Variants in RBFOX1 observed in about 807,000 individuals in gnomAD.
RBFOX1 encodes the protein RNA binding protein fox-1 homolog 1.
In RBFOX1, 8 loss-of-function variants were observed where a neutral mutation model predicts 57.7. The observed-to-expected ratio is 0.14, with a 90% CI of 0.08 to 0.25. The LOEUF is 0.25. Ranked by LOEUF, RBFOX1 falls within the 10% of genes least tolerant of loss-of-function variation. RBFOX1 has a pLI of 1.00. For synonymous variants in RBFOX1, 326 were observed against 222.4 expected (o/e 1.47, Z -4.15); for missense variants, 611 against 548.5 (o/e 1.11, Z -1.14).
At chr16:5,661,273 C>T (rs1220077760) in intron 3 of RBFOX1, among the ~76,000 whole-genome samples, 1 of 152,192 alleles carries the variant, frequency 6.6e-6, no homozygotes, top group Non-Finnish European at 1.5e-5. Flanking sequence ...ACGCTATATA[C>T]TTACCATCCA....
At chr16:6,020,550 C>T (rs879248316) in intron 1 of RBFOX1, among the ~76,000 whole-genome samples, 2 of 152,176 alleles carry the variant, frequency 1.3e-5, no homozygotes, top group African/African-American at 4.8e-5. Flanking sequence ...CGCGGTGCCA[C>T]CTCGACCCCA....
intron 3 of RBFOX1, among the ~76,000 whole-genome samples, chr16:6,830,397 C>T (rs902127259): frequency 9.2e-5 from 14 of 151,804 alleles, no homozygotes; most frequent in South Asian, 2.1e-4. Flanking sequence ...ATTTTACTAA[C>T]GGGAAGTAAT....
intron 1 of RBFOX1, among the ~76,000 whole-genome samples, chr16:6,118,305 T>C (rs1238073359): frequency 1.3e-5 from 2 of 152,188 alleles, no homozygotes; most frequent in African/African-American, 4.8e-5. Context: ...CCACTCAGGC[T>C]CCTATTATGC....
intron 3 of RBFOX1, among the ~76,000 whole-genome samples, chr16:6,678,102 T>A (rs2154118528): frequency 6.6e-6 from 1 of 152,354 alleles, no homozygotes; most frequent in African/African-American, 2.4e-5. Flanking sequence ...CATCATCTAC[T>A]TAAATTAAAA....
chr16:7,274,767 C>G (rs144588956), intron 4 of RBFOX1, among the ~76,000 whole-genome samples: 1 of 152,198 alleles, frequency 6.6e-6, no homozygotes, highest in East Asian at 1.9e-4. Context: ...TCACATCAAT[C>G]TCTGCCTTCC....
At chr16:6,109,679 C>G (rs1460020700) in intron 1 of RBFOX1, among the ~76,000 whole-genome samples, 1 of 151,972 alleles carries the variant, frequency 6.6e-6, no homozygotes, top group East Asian at 1.9e-4. Flanking sequence ...TAAATGAGGG[C>G]TTACCAATTA....
At chr16:5,328,387 C>G (rs1027577612) in intron 1 of RBFOX1, among the ~76,000 whole-genome samples, 21 of 152,226 alleles carry the variant, frequency 1.4e-4, no homozygotes, top group African/African-American at 5.1e-4. Context: ...AATCTACCAA[C>G]ACGTTGATCT....
intron 4 of RBFOX1, among the ~76,000 whole-genome samples, chr16:7,241,867 T>C (rs543212523): frequency 6.6e-6 from 1 of 152,148 alleles, no homozygotes; most frequent in Non-Finnish European, 1.5e-5. Flanking sequence ...TAAGTATATA[T>C]GCATATAAAT....
At chr16:7,166,584 T>C (rs1308300945) in intron 4 of RBFOX1, among the ~76,000 whole-genome samples, 1 of 152,082 alleles carries the variant, frequency 6.6e-6, no homozygotes, top group African/African-American at 2.4e-5. Flanking sequence ...TCGTCATCGG[T>C]TATGGGCTGT....
chr16:6,045,686 G>T (rs2095488137), intron 1 of RBFOX1, among the ~76,000 whole-genome samples: 2 of 152,276 alleles, frequency 1.3e-5, no homozygotes, highest in South Asian at 4.1e-4. Context: ...AAATAAATAT[G>T]AGTCAACAAG....
chr16:5,707,299 A>G (rs945332278), intron 3 of RBFOX1, among the ~76,000 whole-genome samples: 5 of 152,182 alleles, frequency 3.3e-5, no homozygotes, highest in African/African-American at 9.7e-5. Flanking sequence ...GGAGAAAGAA[A>G]ATTGCTTCTG....
At chr16:7,032,214 C>G (rs942765872) in intron 3 of RBFOX1, among the ~76,000 whole-genome samples, 1 of 152,052 alleles carries the variant, frequency 6.6e-6, no homozygotes, top group Admixed American at 6.6e-5. Flanking sequence ...CGCTTGAGGT[C>G]AGGAGTTCGA....
chr16:6,720,815 A>C (rs1351061768), intron 3 of RBFOX1, among the ~76,000 whole-genome samples: 1 of 152,158 alleles, frequency 6.6e-6, no homozygotes, highest in Non-Finnish European at 1.5e-5. Flanking sequence ...AGGATTAAGG[A>C]TGTTGCTGAA....
intron 6 of RBFOX1, 104 bp downstream of exon 6, chr16:7,580,024 G>T (rs959886268): frequency 1.6e-6 from 2 of 1,276,246 alleles, no homozygotes; most frequent in African/African-American, 1.5e-5. Flanking sequence ...TTAGATGTTT[G>T]TATGGGGAGA....
At chr16:5,915,307 C>A (rs1208467187) in intron 4 of RBFOX1, among the ~76,000 whole-genome samples, 1 of 152,142 alleles carries the variant, frequency 6.6e-6, no homozygotes, top group Non-Finnish European at 1.5e-5. Context: ...TGAGTAGAGT[C>A]AAGATAATTC....
intron 3 of RBFOX1, among the ~76,000 whole-genome samples, chr16:6,906,397 T>C (rs2069952602): frequency 6.6e-6 from 1 of 152,050 alleles, no homozygotes; most frequent in South Asian, 2.1e-4. Flanking sequence ...AAATACAGGA[T>C]AAACAATGCT....
At chr16:7,289,393 A>G (rs1001794428) in intron 4 of RBFOX1, among the ~76,000 whole-genome samples, 5 of 151,986 alleles carry the variant, frequency 3.3e-5, no homozygotes, top group Non-Finnish European at 7.4e-5. Context: ...CATTACCGAT[A>G]CCAACATTAC....
At chr16:5,246,203 C>T (rs984544150) in intron 1 of RBFOX1, among the ~76,000 whole-genome samples, 12 of 152,334 alleles carry the variant, frequency 7.9e-5, no homozygotes, top group African/African-American at 2.4e-4. Flanking sequence ...GATCGCGCCA[C>T]TGCACTTCAG....
chr16:5,623,037 A>T (rs554854322), intron 3 of RBFOX1, among the ~76,000 whole-genome samples: 16 of 152,154 alleles, frequency 1.1e-4, no homozygotes, highest in African/African-American at 3.6e-4. Flanking sequence ...AGACTTGAAC[A>T]TTCATGGGTT....
Sources: allele counts gnomAD v4.1 joint callset (sites outside exome capture counted in the v4.1 genomes callset), GRCh38; gene constraint gnomAD v4.1.1; transcripts MANE v1.5; gene names NCBI Gene and HGNC (gene_info 2026-07-23, HGNC 2026-07-21).